DNM1L: variants seen among roughly 807,000 people sequenced by gnomAD.
DNM1L encodes dynamin-1-like protein.
DNM1L carries 33 observed loss-of-function variants against 92.8 expected under a neutral mutation model. The observed-to-expected ratio is 0.36, with a 90% confidence interval of 0.27 to 0.48. The LOEUF (loss-of-function observed/expected upper bound fraction) is 0.48. Ranked by LOEUF, DNM1L falls within the 20% of genes least tolerant of loss-of-function variation. DNM1L has a pLI of 0.99. For synonymous variants in DNM1L, 284 were observed against 305.0 expected (o/e 0.93, Z 0.72); for missense variants, 485 against 888.8 (o/e 0.55, Z 5.78).
intron 9 of DNM1L, chr12:32,726,420 G>A (rs1954143107): frequency 4.0e-6 from 6 of 1,518,154 alleles, no homozygotes; most frequent in East Asian, 2.3e-5. Context: ...ATCCTTCTTC[G>A]GGTCATAGTC....
intron 6 of DNM1L, among the ~76,000 whole-genome samples, chr12:32,714,964 C>T (rs1953297484): frequency 6.6e-6 from 1 of 152,126 alleles, no homozygotes; most frequent in South Asian, 2.1e-4. Context: ...CATGCCATTG[C>T]ACTCTTGCCT....
chr12:32,740,403 A>G lies in DNM1L; in HGVS notation c.1885-6A>G, dbSNP rs1309566087. 2 of 1,613,546 alleles carry G rather than the reference A, an allele frequency of 1.2e-6. No individual in the cohort carries two copies. The highest frequency in any genetic ancestry group is 1.7e-6 in the Non-Finnish European group (2 of 1,179,702). On this transcript the variant is annotated splice_region_variant and splice_polypyrimidine_tract_variant and intron_variant, in intron 17 of 19. Coordinates refer to ENST00000549701, the MANE Select transcript of DNM1L (RefSeq NM_012062.5). ...GTAATATTTTTTCCCCCTCATCCCT[A>G]TTTAGCCAGTTCCTGTTGCACGAAA... is the stretch of plus-strand genomic sequence containing the variant.
At chr12:32,738,069 T>C in intron 15 of DNM1L, 127 bp downstream of exon 15, 1 of 1,112,552 alleles carries the variant, frequency 9.0e-7, no homozygotes, top group Non-Finnish European at 1.3e-6. Flanking sequence ...ATCACTTTAG[T>C]CTAATATATA....
intron 4 of DNM1L, among the ~76,000 whole-genome samples, chr12:32,708,869 C>T (rs992726132): frequency 6.6e-6 from 1 of 151,936 alleles, no homozygotes; most frequent in Non-Finnish European, 1.5e-5. Flanking sequence ...TTATTTTTCT[C>T]TTTATATTTC....
intron 1 of DNM1L, among the ~76,000 whole-genome samples, chr12:32,685,917 G>A (rs576535104): frequency 6.7e-6 from 1 of 150,130 alleles, no homozygotes; most frequent in Non-Finnish European, 1.5e-5. Context: ...TTTAATTCCT[G>A]CTTATGCATT....
At chr12:32,733,203 A>G (rs1778386144) in intron 12 of DNM1L, among the ~76,000 whole-genome samples, 2 of 152,248 alleles carry the variant, frequency 1.3e-5, no homozygotes, top group African/African-American at 4.8e-5. Flanking sequence ...TGAACTACAT[A>G]TAATATTTTA....
intron 9 of DNM1L, among the ~76,000 whole-genome samples, chr12:32,730,724 G>A (rs1321045613): frequency 5.3e-5 from 8 of 152,138 alleles, no homozygotes; most frequent in South Asian, 4.1e-4. Context: ...AGGAAAACTA[G>A]GGCAGAGAAA....
rs2137525119 is a variant in DNM1L at position 32,731,591 on chromosome 12, G to T, written c.1356+80G>T. ...GTGGTTTCACTGGGTGGAAGGAAAT[G>T]TATAAGATGGGATACAAGGTAAAAT... On this transcript the variant is annotated intron_variant, in intron 11 of 19. Transcript: ENST00000549701. The surrounding 1 kb of genome is among the most constrained non-coding windows in gnomAD (Gnocchi z 5.1). 2.6e-6 allele frequency: 4 copies of T among 1,555,122 alleles called. No individual in the cohort carries two copies. The highest frequency in any genetic ancestry group is 4.5e-5 in the East Asian group (2 of 44,458).
intron 2 of DNM1L, chr12:32,705,866 T>C (rs1180499397): frequency 1.3e-6 from 2 of 1,597,912 alleles, no homozygotes; most frequent in African/African-American, 2.7e-5. Flanking sequence ...TTCTAAAGGT[T>C]TCCTTTATCC....
At position 32,742,121 on chromosome 12, in the gene DNM1L, T is replaced by C. The variant is rs899438137; in HGVS notation, c.1995-468T>C. Among the ~76,000 whole-genome samples the C allele has an allele frequency of 5.3e-5, 8 of 152,262 alleles. No homozygotes were observed. In the South Asian group the frequency reaches 1.2e-3, roughly 24 times the overall value. ...AGAATTGTTGCTTTTGTTTTTTTTTTTGAGACACAGTCTCACTCTGTTGCC... is the reference window on the plus strand; with the variant it reads ...AGAATTGTTGCTTTTGTTTTTTTTTCTGAGACACAGTCTCACTCTGTTGCC... On this transcript the variant is annotated intron_variant, in intron 18 of 19. Coordinates refer to ENST00000549701, the MANE Select transcript of DNM1L (RefSeq NM_012062.5).
chr12:32,743,318 T>C (rs1260268256), intron 19 of DNM1L, 36 bp from the exon 20 acceptor site: 5 of 1,586,598 alleles, frequency 3.2e-6, no homozygotes, highest in Non-Finnish European at 4.3e-6. Flanking sequence ...CATAACTTTA[T>C]AATAAGCATT....
At chr12:32,685,998 TTTAAC>T (rs1951995710) in intron 1 of DNM1L, among the ~76,000 whole-genome samples, 1 of 151,978 alleles carries the variant, frequency 6.6e-6, no homozygotes, top group African/African-American at 2.4e-5. Context: ...GCTGCTTTTT[TTTAAC>T]TTAACAAAAT....
rs922228030 is a variant in DNM1L at position 32,738,374 on chromosome 12, A to C, written c.1707+78A>C. On this transcript the variant is annotated intron_variant, in intron 16 of 19. Coordinates refer to ENST00000549701, the MANE Select transcript of DNM1L (RefSeq NM_012062.5). ...ACACTGTCTATACCACCATTAAAGA[A>C]CCTGTTTGTGTAGTGGTATCTATCT... The C allele has an allele frequency of 1.1e-5, 17 of 1,502,540 alleles. No individual in the cohort carries two copies. The African/African-American group carries it at 2.3e-4, about 21-fold the overall frequency. 93.1% of individuals were successfully genotyped at this position (1,502,540 alleles called of 1,614,324 possible). A position where few individuals can be genotyped will look rare whatever the true frequency, so the allele number is the denominator to read the frequency against.
At chr12:32,696,744 C>T (rs1190497251) in intron 1 of DNM1L, among the ~76,000 whole-genome samples, 1 of 151,542 alleles carries the variant, frequency 6.6e-6, no homozygotes, top group African/African-American at 2.4e-5. Flanking sequence ...CCTACCTCAG[C>T]CTCCTGAGTA....
chr12:32,681,674 A>G (rs1951813461), intron 1 of DNM1L, among the ~76,000 whole-genome samples: 1 of 143,952 alleles, frequency 6.9e-6, no homozygotes, highest in South Asian at 2.2e-4. Context: ...GTATACCATT[A>G]CTTTGTGATG....
At chr12:32,709,362 C>T (rs1953040560) in intron 4 of DNM1L, among the ~76,000 whole-genome samples, 4 of 152,160 alleles carry the variant, frequency 2.6e-5, no homozygotes, top group African/African-American at 9.7e-5. Flanking sequence ...TCCCCATTTA[C>T]TTACTGAACT....
At chr12:32,722,203 G>C (rs887488880) in intron 8 of DNM1L, among the ~76,000 whole-genome samples, 1 of 152,142 alleles carries the variant, frequency 6.6e-6, no homozygotes, top group Non-Finnish European at 1.5e-5. Context: ...CATCTCATTA[G>C]CATGCAGAGA....
At chr12:32,692,254 G>C (rs1952262694) in intron 1 of DNM1L, among the ~76,000 whole-genome samples, 1 of 152,114 alleles carries the variant, frequency 6.6e-6, no homozygotes, top group Admixed American at 6.6e-5. Flanking sequence ...TTAAGCACAG[G>C]CTCCAGGAAG....
intron 2 of DNM1L, among the ~76,000 whole-genome samples, chr12:32,703,900 A>T (rs188438309): frequency 2.6e-5 from 4 of 152,228 alleles, no homozygotes; most frequent in Non-Finnish European, 4.4e-5. Context: ...AGGTGTCAGT[A>T]TGTAGATTTA....
Sources: allele counts gnomAD v4.1 joint callset (sites outside exome capture counted in the v4.1 genomes callset), GRCh38; gene constraint gnomAD v4.1.1; non-coding constraint Gnocchi (gnomAD v3.1); transcripts MANE v1.5; gene names NCBI Gene and HGNC (gene_info 2026-07-23, HGNC 2026-07-21).